The following TEX11 variants were observed in gnomAD, a reference collection of about 807,000 sequenced individuals.
TEX11 encodes the protein testis-expressed protein 11.
In TEX11, 7 loss-of-function variants were observed where a neutral mutation model predicts 84.4. That is an observed-to-expected ratio of 0.08 (90% confidence interval 0.05 to 0.16). The LOEUF is 0.16. TEX11 is among the 10% of genes least tolerant of loss of function. The probability of loss-of-function intolerance (pLI) is 1.00; values close to 1 mark genes in which losing one functional copy is unlikely to be tolerated. For missense variants in TEX11, 551 were observed against 660.5 expected, an observed-to-expected ratio of 0.83 and a Z score of 1.82; for synonymous variants, 264 against 222.8, an observed-to-expected ratio of 1.18 and a Z score of -1.64.
chrX:70,867,863 A>G (rs992846259), intron 4 of TEX11, among the ~76,000 whole-genome samples: 2 of 112,072 alleles, frequency 1.8e-5, no homozygotes, highest in South Asian at 7.4e-4. Flanking sequence ...TACACCTTAT[A>G]AAAAAATTAA....
intron 25 of TEX11, 109 bp downstream of exon 25, chrX:70,591,642 C>A (rs2088932267): frequency 2.0e-6 from 1 of 492,292 alleles, no homozygotes; most frequent in Non-Finnish European, 3.4e-6. Context: ...AAACATTTGA[C>A]TGGTTATCAA....
At chrX:70,679,896 G>A (rs1437414150) in intron 14 of TEX11, among the ~76,000 whole-genome samples, 11 of 89,776 alleles carry the variant, frequency 1.2e-4, no homozygotes, top group South Asian at 5.4e-4. Flanking sequence ...CTGCCCGGCC[G>A]CCCCTACTGG....
At chrX:70,691,718 T>C (rs1011190374) in intron 13 of TEX11, among the ~76,000 whole-genome samples, 1 of 111,112 alleles carries the variant, frequency 9.0e-6, no homozygotes, top group African/African-American at 3.3e-5. Flanking sequence ...AAGTTAAAAA[T>C]TGATTAAGTT....
chrX:70,554,698 A>G lies in TEX11; in HGVS notation c.2243T>C (p.Val748Ala), dbSNP rs200139216. 2.6e-4 allele frequency: 310 copies of G among 1,207,826 alleles called. No individual in the cohort carries two copies. In the Middle Eastern group the frequency reaches 3.7e-3, roughly 14 times the overall value. ...DPLLESFLES[V>A]WELPHLETKT... ...AGTTTCTAAATGAGGCAACTCCCACACTGATTCCAGGAAGCTTTCCAGTAA... is the reference window on the plus strand; with the variant it reads ...AGTTTCTAAATGAGGCAACTCCCACGCTGATTCCAGGAAGCTTTCCAGTAA... Residue 748 changes from valine (V) to alanine (A), a missense_variant, in exon 26 of 30, where the codon GTG becomes GCG. Val to Ala is a moderately conservative substitution (Grantham distance 64). Transcript: ENST00000374333.
chrX:70,654,571 T>C (rs2089842376), intron 16 of TEX11, among the ~76,000 whole-genome samples: 1 of 109,051 alleles, frequency 9.2e-6, no homozygotes, highest in Admixed American at 9.8e-5. Context: ...ATTAGCTGGA[T>C]GTGGTGGCAC....
At chrX:70,690,369 A>T (rs2090223846) in intron 13 of TEX11, among the ~76,000 whole-genome samples, 1 of 111,638 alleles carries the variant, frequency 9.0e-6, no homozygotes, top group African/African-American at 3.3e-5. Flanking sequence ...TATCTTCCCA[A>T]TTTTTCTGTA....
intron 7 of TEX11, among the ~76,000 whole-genome samples, chrX:70,847,868 C>G (rs986155711): frequency 2.7e-5 from 3 of 111,966 alleles, no homozygotes; most frequent in African/African-American, 9.7e-5. Flanking sequence ...TTCGACTGCA[C>G]TCTCCCACCT....
intron 10 of TEX11, among the ~76,000 whole-genome samples, chrX:70,742,516 G>A (rs1237648250): frequency 1.8e-5 from 2 of 109,404 alleles, no homozygotes; most frequent in African/African-American, 6.6e-5. Context: ...ATCACTTGAG[G>A]CCAGGTGTTT....
chrX:70,816,274 C>T (rs1012260473), intron 8 of TEX11, among the ~76,000 whole-genome samples: 16 of 112,175 alleles, frequency 1.4e-4, no homozygotes, highest in Non-Finnish European at 2.6e-4. Flanking sequence ...CCATGACTGG[C>T]ATCCATTTTT....
chrX:70,721,549 T>C (rs1450212818), intron 13 of TEX11, among the ~76,000 whole-genome samples: 1 of 112,191 alleles, frequency 8.9e-6, no homozygotes, highest in African/African-American at 3.2e-5. Context: ...TATCAATTAA[T>C]GGATTGCTGT....
intron 13 of TEX11, among the ~76,000 whole-genome samples, chrX:70,713,627 C>T (rs1202666814): frequency 3.6e-5 from 4 of 111,179 alleles, no homozygotes; most frequent in African/African-American, 9.8e-5. Flanking sequence ...TCTGTGGGAT[C>T]GGTGGTGATA....
At chrX:70,812,227 C>T (rs774421982) in intron 8 of TEX11, among the ~76,000 whole-genome samples, 201 of 103,288 alleles carry the variant, frequency 1.9e-3, no homozygotes, top group African/African-American at 6.8e-3. Context: ...TTTTTTGAGA[C>T]GGAGTCTCAC....
At chrX:70,639,707 T>C (rs768961285) in intron 17 of TEX11, among the ~76,000 whole-genome samples, 8 of 111,390 alleles carry the variant, frequency 7.2e-5, no homozygotes, top group African/African-American at 2.6e-4. Flanking sequence ...CAGCTGAGGG[T>C]CCTGTCTGTT....
chrX:70,558,219 GAT>G (rs58659453), intron 25 of TEX11, among the ~76,000 whole-genome samples: 16 of 107,132 alleles, frequency 1.5e-4, no homozygotes, highest in Non-Finnish European at 2.3e-4. Flanking sequence ...CTGACATAAG[GAT>G]ATATATATAT....
At chrX:70,637,501 A>G (rs1055538591) in intron 17 of TEX11, among the ~76,000 whole-genome samples, 5 of 112,558 alleles carry the variant, frequency 4.4e-5, no homozygotes, top group Non-Finnish European at 9.4e-5. Context: ...TAGCAAAGAC[A>G]TATAATCAAC....
intron 4 of TEX11, among the ~76,000 whole-genome samples, chrX:70,867,601 T>C (rs182534443): frequency 1.8e-3 from 203 of 111,385 alleles, no homozygotes; most frequent in Non-Finnish European, 2.6e-3. Context: ...ACTGGAGGCA[T>C]CACACTACCT....
Position 70,733,364 on chromosome X carries a change from C to T in TEX11, c.843+7337G>A, listed in dbSNP as rs968340860. 1.3e-4 allele frequency among the ~76,000 whole-genome samples: 14 copies of T among 111,170 alleles called. 1 individual carries two copies. The highest frequency in any genetic ancestry group is 7.6e-4 in the South Asian group (2 of 2,632). ...AGAAACTATCATGAGGGTGAACAGG[C>T]GACCTACAAAATGGGAGAAAATTTT... On this transcript the variant is annotated intron_variant, in intron 11 of 29. Transcript: ENST00000374333.
At chrX:70,713,714 C>T (rs1482093676) in intron 13 of TEX11, among the ~76,000 whole-genome samples, 7 of 110,880 alleles carry the variant, frequency 6.3e-5, no homozygotes, top group African/African-American at 2.3e-4. Flanking sequence ...AGCGGTCTAT[C>T]AATTTTGTTG....
chrX:70,706,400 T>C (rs2090376484), intron 13 of TEX11, among the ~76,000 whole-genome samples: 1 of 110,602 alleles, frequency 9.0e-6, no homozygotes, highest in Non-Finnish European at 1.9e-5. Flanking sequence ...GGCGCATGTA[T>C]ACATATGTAA....
Sources: allele counts gnomAD v4.1 joint callset (sites outside exome capture counted in the v4.1 genomes callset), GRCh38; gene constraint gnomAD v4.1.1; transcripts MANE v1.5; gene names NCBI Gene and HGNC (gene_info 2026-07-23, HGNC 2026-07-21).